The following PROKR1 variants were observed in gnomAD, a reference collection of about 807,000 sequenced individuals.
The protein encoded by PROKR1 is G protein-coupled receptor 73.
A neutral mutation model predicts 22.8 loss-of-function variants in PROKR1; 21 were observed. That is an observed-to-expected ratio of 0.92 (90% CI 0.65 to 1.32). PROKR1 has a LOEUF of 1.32. PROKR1 is among the 40% of genes most tolerant of loss of function. The pLI, the probability that PROKR1 is intolerant of heterozygous loss-of-function variation, is 0.00. For synonymous variants in PROKR1, 193 were observed against 207.5 expected (o/e 0.93, Z 0.60); for missense variants, 548 against 514.2 (o/e 1.07, Z -0.64).
intron 2 of PROKR1, among the ~76,000 whole-genome samples, 168 bp downstream of exon 2, chr2:68,646,474 G>T (rs541450344): frequency 1.3e-5 from 2 of 152,378 alleles, no homozygotes; most frequent in East Asian, 1.9e-4. Context: ...AGTGAGAAGA[G>T]TTCTCCTTTT....
chr2:68,647,548 G>A (rs563460162), intron 2 of PROKR1, among the ~76,000 whole-genome samples: 41 of 152,320 alleles, frequency 2.7e-4, no homozygotes, highest in African/African-American at 8.9e-4. Context: ...GTTCTAGGGA[G>A]GAGCACAGCT....
chr2:68,650,550 A>G (rs573799721), intron 2 of PROKR1, among the ~76,000 whole-genome samples: 47 of 152,194 alleles, frequency 3.1e-4, no homozygotes, highest in Non-Finnish European at 4.1e-4. Context: ...TTACATGTCT[A>G]TTCACCCAGC....
Position 68,657,469 on chromosome 2 carries a change from G to C in PROKR1, c.*1893G>C, listed in dbSNP as rs1294762876. The C allele has an allele frequency of 2.6e-5, 4 of 152,220 alleles. No homozygotes were observed. The highest frequency in any genetic ancestry group is 9.6e-5 in the African/African-American group (4 of 41,454). 9.4% of individuals were successfully genotyped at this position (152,220 alleles called of 1,614,324 possible). On this transcript the variant is annotated 3_prime_UTR_variant, in exon 3 of 3. Transcript: ENST00000303786. ...GACGCATAAAGGAAAGGGTGGCTGA[G>C]TCTCCGGTTAGAAGATGAGTTTAGG...
chr2:68,652,035 G>C (rs898170833), intron 2 of PROKR1, among the ~76,000 whole-genome samples: 3 of 152,222 alleles, frequency 2.0e-5, no homozygotes, highest in African/African-American at 7.2e-5. Context: ...AGGAAGGCAA[G>C]AGGAGGGGGC....
intron 2 of PROKR1, among the ~76,000 whole-genome samples, chr2:68,652,293 G>C (rs1038154682): frequency 1.2e-4 from 19 of 152,204 alleles, no homozygotes; most frequent in African/African-American, 4.3e-4. Context: ...TCTGTAAATT[G>C]TAAACTTCTT....
chr2:68,650,207 A>G (rs1673284503), intron 2 of PROKR1, among the ~76,000 whole-genome samples: 1 of 151,470 alleles, frequency 6.6e-6, no homozygotes, highest in Admixed American at 6.6e-5. Flanking sequence ...CCTAAAACTT[A>G]AAGTATAAAA....
chr2:68,644,824 G>T (rs2104177933), intron 1 of PROKR1, among the ~76,000 whole-genome samples: 1 of 152,264 alleles, frequency 6.6e-6, no homozygotes, highest in Non-Finnish European at 1.5e-5. Flanking sequence ...CACCAGGGCA[G>T]CTGACACCCC....
In PROKR1 at chr2:68,655,232, AGGAAGAC is replaced by A; in HGVS notation, c.841_847del (p.Lys281SerfsTer33). The A allele has an allele frequency of 6.2e-7, 1 of 1,614,262 alleles. No homozygotes were observed. The highest frequency in any genetic ancestry group is 1.7e-5 in the Admixed American group (1 of 60,030). ...GATCCGCAAGAGGCTGCGCTGCCGC[AGGAAGAC>A]GGTCCTGGTGCTCATGTGCATCCTC... On this transcript the variant is annotated frameshift_variant, in exon 3 of 3. Coordinates refer to ENST00000303786, the MANE Select transcript of PROKR1 (RefSeq NM_138964.4). LOFTEE classifies it high-confidence loss of function.
chr2:68,653,948 G>T (rs1368571623), intron 2 of PROKR1, among the ~76,000 whole-genome samples: 1 of 152,166 alleles, frequency 6.6e-6, no homozygotes, highest in African/African-American at 2.4e-5. Context: ...ATCCTGTGAG[G>T]TAGGGTTAAA....
In PROKR1 at chr2:68,645,990, A is replaced by G. The variant is rs1035127517; in HGVS notation, c.169A>G (p.Thr57Ala). Residue 57 changes from threonine to alanine, a missense_variant, in exon 2 of 3, where the codon ACG becomes GCG. Coordinates refer to ENST00000303786, the MANE Select transcript of PROKR1 (RefSeq NM_138964.4). ...AGATGAGGATGTGACCAATTCCAGG[A>G]CGTTCTTTGCTGCCAAGATTGTCAT... ...DEDEDVTNSR[T>A]FFAAKIVIGM... The G allele has an allele frequency of 6.2e-7, 1 of 1,614,232 alleles. No individual in the cohort carries two copies. Among genetic ancestry groups the G allele is most frequent in the Non-Finnish European group, 8.5e-7 (1 of 1,180,042 alleles).
At chr2:68,645,084 A>T (rs1424212949) in intron 1 of PROKR1, among the ~76,000 whole-genome samples, 2 of 152,122 alleles carry the variant, frequency 1.3e-5, no homozygotes, top group African/African-American at 4.8e-5. Context: ...CCAAGGAAAA[A>T]TTTTGCTCTA....
intron 1 of PROKR1, among the ~76,000 whole-genome samples, chr2:68,645,033 C>T (rs1673143985): frequency 6.6e-6 from 1 of 152,304 alleles, no homozygotes; most frequent in South Asian, 2.1e-4. Flanking sequence ...GAAGTTGAAC[C>T]TCTGAGTGTT....
In PROKR1 at chr2:68,645,821, G is replaced by T. The variant is rs200010777; in HGVS notation, c.-1G>T. The T allele has an allele frequency of 2.4e-5, 38 of 1,614,196 alleles. No homozygotes were observed. In the East Asian group the frequency reaches 8.2e-4, roughly 35 times the overall value. ...TGTTGCTCACAGCACCACCTGGCCA[G>T]ATGGAGACCACCATGGGGTTCATGG... On this transcript the variant is annotated 5_prime_UTR_variant, in exon 2 of 3. Coordinates refer to ENST00000303786, the MANE Select transcript of PROKR1 (RefSeq NM_138964.4).
intron 2 of PROKR1, among the ~76,000 whole-genome samples, chr2:68,654,663 TG>T (rs1390120097): frequency 6.6e-6 from 1 of 151,998 alleles, no homozygotes; most frequent in East Asian, 1.9e-4. Context: ...GCGCGTGTGG[TG>T]CATTGCACCT....
At chr2:68,654,845 C>T (rs751392085) in intron 2 of PROKR1, 35 bp from the exon 3 acceptor site, 1 of 1,447,390 alleles carries the variant, frequency 6.9e-7, no homozygotes, top group South Asian at 1.1e-5. Context: ...ACTTCTTTCT[C>T]ACAGTGGCTG....
chr2:68,647,582 G>A (rs182656530), intron 2 of PROKR1, among the ~76,000 whole-genome samples: 24 of 152,238 alleles, frequency 1.6e-4, no homozygotes, highest in Admixed American at 8.5e-4. Flanking sequence ...TTCTGAGACC[G>A]TAGGCAGGGC....
In PROKR1 at chr2:68,650,890, G is replaced by A. The variant is rs57559205; in HGVS notation, c.486-3990G>A. Among the ~76,000 whole-genome samples the A allele has an allele frequency of 4.2e-3, 638 of 152,260 alleles. 4 individuals carry two copies. The highest frequency in any genetic ancestry group is 0.015 in the African/African-American group (611 of 41,540). ...AGGAGAGGAAAGTTTTCCCAAGAGA[G>A]TGGGTAGAACAGTGTGTGGAAAAGC... On this transcript the variant is annotated intron_variant, in intron 2 of 2. Transcript: ENST00000303786.
intron 2 of PROKR1, among the ~76,000 whole-genome samples, chr2:68,647,410 T>C (rs1673210460): frequency 6.6e-6 from 1 of 152,170 alleles, no homozygotes; most frequent in Non-Finnish European, 1.5e-5. Flanking sequence ...ATCAGGCTTC[T>C]GTGTACTTGG....
rs375582560 is a variant in PROKR1, at chr2:68,655,470, T to G, written c.1076T>G (p.Leu359Arg). 4 of 1,613,966 alleles carry G rather than the reference T, an allele frequency of 2.5e-6. No homozygotes were observed. The Admixed American group carries it at 5.0e-5, about 20-fold the overall frequency. Residue 359 changes from leucine (L) to arginine (R), a missense_variant, in exon 3 of 3, where the codon CTC becomes CGC. Physicochemically the swap from Leu to Arg is moderately radical, Grantham distance 102. Coordinates refer to ENST00000303786, the MANE Select transcript of PROKR1 (RefSeq NM_138964.4). ...TVKYFKKIML[L>R]HWKASYNGGK... Reference sequence around the variant, plus strand: ...AAGTACTTCAAAAAGATCATGTTGCTCCACTGGAAGGCTTCTTACAATGGC... The same window carrying G: ...AAGTACTTCAAAAAGATCATGTTGCGCCACTGGAAGGCTTCTTACAATGGC...
Sources: gnomAD v4.1 joint callset for allele counts (sites outside exome capture counted in the v4.1 genomes callset) on GRCh38, gnomAD v4.1.1 for gene constraint, MANE v1.5 for transcripts, NCBI Gene and HGNC (gene_info 2026-07-23, HGNC 2026-07-21) for gene names.